Variants in ORC5 observed in about 807,000 individuals in gnomAD.
ORC5 encodes protein phosphatase 1, regulatory subunit 117.
ORC5 carries 39 observed loss-of-function variants against 58.8 expected under a neutral mutation model. The observed-to-expected ratio is 0.66, with a 90% CI of 0.51 to 0.87. The LOEUF is 0.87. Among genes scored for constraint, ORC5 ranks in the 40% least tolerant of loss-of-function variants. The probability of loss-of-function intolerance (pLI) is 0.00; values close to 1 mark genes in which losing one functional copy is unlikely to be tolerated. For missense variants in ORC5, 493 were observed against 506.3 expected (o/e 0.97, Z 0.25); for synonymous variants, 218 against 177.6 (o/e 1.23, Z -1.81).
At chr7:104,167,434 C>T (rs1799126260) in intron 9 of ORC5, among the ~76,000 whole-genome samples, 3 of 152,128 alleles carry the variant, frequency 2.0e-5, no homozygotes, top group Admixed American at 2.0e-4. Context: ...AATTTTGGAG[C>T]ATTTTCTATT....
chr7:104,130,683 A>G (rs910153488), intron 13 of ORC5, among the ~76,000 whole-genome samples: 2 of 152,170 alleles, frequency 1.3e-5, no homozygotes, highest in African/African-American at 2.4e-5. Flanking sequence ...TTCCACTCTC[A>G]TAATCACACT....
Position 104,149,729 on chromosome 7 carries a change from T to C in ORC5, c.1149+11343A>G, listed in dbSNP as rs768019053. ...GAGAATAGTACTTCCCTAGCTTTCATACATCAGCAGCATTCTGACACTGCT... is the reference window on the plus strand; with the variant it reads ...GAGAATAGTACTTCCCTAGCTTTCACACATCAGCAGCATTCTGACACTGCT... On this transcript the variant is annotated intron_variant, in intron 12 of 13. Coordinates refer to ENST00000297431, the MANE Select transcript of ORC5 (RefSeq NM_002553.4). Among the ~76,000 whole-genome samples the C allele has an allele frequency of 9.9e-5, 15 of 152,178 alleles. 1 individual carries two copies. The highest frequency in any genetic ancestry group is 4.1e-4 in the South Asian group (2 of 4,836).
chr7:104,136,684 A>AT lies in ORC5; in HGVS notation c.1262+96dup, dbSNP rs1160402295. ...TTCATTCTTGGCACTTAAATAGATG[A>AT]TTTTTTCATGTTTAAATGTCATGAC... On this transcript the variant is annotated intron_variant, in intron 13 of 13. Coordinates refer to ENST00000297431, the MANE Select transcript of ORC5 (RefSeq NM_002553.4). The surrounding 1 kb of genome is among the most constrained non-coding windows in gnomAD (Gnocchi z 4.2). 1.1e-5 allele frequency: 8 copies of AT among 753,138 alleles called. No homozygotes were observed. Among genetic ancestry groups the AT allele is most frequent in the South Asian group, 7.2e-5 (4 of 55,646 alleles). 46.7% of individuals were successfully genotyped at this position (753,138 alleles called of 1,614,324 possible). A position where few individuals can be genotyped will look rare whatever the true frequency, so the allele number is the denominator to read the frequency against.
At chr7:104,154,401 CTTAT>C (rs1008303576) in intron 12 of ORC5, among the ~76,000 whole-genome samples, 1 of 151,952 alleles carries the variant, frequency 6.6e-6, no homozygotes, top group Non-Finnish European at 1.5e-5. Flanking sequence ...GTAAAAAACT[CTTAT>C]TTATTCACTT....
intron 4 of ORC5, among the ~76,000 whole-genome samples, 194 bp from the exon 5 acceptor site, chr7:104,195,448 C>A (rs1433174882): frequency 1.3e-5 from 2 of 152,186 alleles, no homozygotes; most frequent in Non-Finnish European, 2.9e-5. Flanking sequence ...CACATCCAAG[C>A]TGGAGTGCAG....
chr7:104,127,939 A>T (rs1211320377), intron 13 of ORC5, among the ~76,000 whole-genome samples: 1 of 152,228 alleles, frequency 6.6e-6, no homozygotes, highest in Non-Finnish European at 1.5e-5. Context: ...AAGAATACTA[A>T]GCCTTTCCAA....
chr7:104,137,454 C>T (rs1191662577), intron 12 of ORC5, among the ~76,000 whole-genome samples: 1 of 151,916 alleles, frequency 6.6e-6, no homozygotes, highest in Non-Finnish European at 1.5e-5. Flanking sequence ...GTGCTCCACT[C>T]CAAGTCTGAG....
At chr7:104,155,264 A>C (rs182850490) in intron 12 of ORC5, among the ~76,000 whole-genome samples, 110 of 151,860 alleles carry the variant, frequency 7.2e-4, no homozygotes, top group African/African-American at 2.5e-3. Context: ...ATATTTGTAT[A>C]TTAAACTATG....
intron 13 of ORC5, among the ~76,000 whole-genome samples, chr7:104,132,026 C>G (rs1299034636): frequency 2.0e-5 from 3 of 152,098 alleles, no homozygotes; most frequent in Non-Finnish European, 4.4e-5. Flanking sequence ...TTATAATGGG[C>G]AACACAATAA....
intron 6 of ORC5, among the ~76,000 whole-genome samples, chr7:104,185,175 G>A (rs1799518006): frequency 6.6e-6 from 1 of 151,876 alleles, no homozygotes; most frequent in South Asian, 2.1e-4. Context: ...AAACCACCAT[G>A]GCACGCATTT....
In ORC5 at chr7:104,207,768, G is replaced by A. The variant is rs988602658; in HGVS notation, c.72+65C>T. On this transcript the variant is annotated intron_variant, in intron 1 of 13. Coordinates refer to ENST00000297431, the MANE Select transcript of ORC5 (RefSeq NM_002553.4). Reference sequence around the variant, plus strand: ...TCCAAACACGAAAAAACAAATATTGGAACAGGTCGCAAGACTACCGAAACG... The same window carrying A: ...TCCAAACACGAAAAAACAAATATTGAAACAGGTCGCAAGACTACCGAAACG... 3.4e-6 allele frequency: 5 copies of A among 1,480,424 alleles called. No homozygotes were observed. In the South Asian group the frequency reaches 4.6e-5, roughly 13 times the overall value. 91.7% of individuals were successfully genotyped at this position (1,480,424 alleles called of 1,614,324 possible).
chr7:104,141,988 T>C lies in ORC5; in HGVS notation c.1150-5095A>G, dbSNP rs188331476. On this transcript the variant is annotated intron_variant, in intron 12 of 13. Transcript: ENST00000297431. ...TATCACAATTCCTTATTTCAAAGTA[T>C]ATTATTAATACAAAACTACAGTAAT... 2.8e-3 allele frequency among the ~76,000 whole-genome samples: 429 copies of C among 152,200 alleles called. 2 individuals are homozygous for C. Among genetic ancestry groups the C allele is most frequent in the Non-Finnish European group, 4.0e-3 (273 of 67,964 alleles).
In ORC5 at chr7:104,204,184, A is replaced by G. The variant is rs866362624; in HGVS notation, c.123T>C (p.Ser41=). The G allele has an allele frequency of 1.2e-6, 2 of 1,601,992 alleles. No homozygotes were observed. The highest frequency in any genetic ancestry group is 1.7e-4 in the Middle Eastern group (1 of 5,880). The stretch of plus-strand genomic sequence containing the variant: ...ACGTTTGTGTTACATAGGTCTTTCC[A>G]CTAGCAGTATGTCCATAAATAAAAA... ...PSIFIYGHTA[S]GKTYVTQTLL... is the part of the protein sequence containing the mutation. Residue 41 remains serine (S), a synonymous_variant, in exon 2 of 14, where the codon AGT becomes AGC. Transcript: ENST00000297431.
At chr7:104,132,561 C>A (rs1475058690) in intron 13 of ORC5, among the ~76,000 whole-genome samples, 1 of 152,030 alleles carries the variant, frequency 6.6e-6, no homozygotes, top group Non-Finnish European at 1.5e-5. Flanking sequence ...CTTGCTGTCC[C>A]CAAAAACAAA....
intron 1 of ORC5, among the ~76,000 whole-genome samples, chr7:104,205,962 C>T (rs987239585): frequency 1.8e-4 from 28 of 152,314 alleles, no homozygotes; most frequent in Non-Finnish European, 2.6e-4. Flanking sequence ...GAGCCAAGAT[C>T]ATGCCACTGC....
intron 9 of ORC5, among the ~76,000 whole-genome samples, chr7:104,167,199 A>C: frequency 6.6e-6 from 1 of 152,232 alleles, no homozygotes; most frequent in East Asian, 1.9e-4. Flanking sequence ...AGAGAAACTT[A>C]TTTCTACTAT....
intron 5 of ORC5, among the ~76,000 whole-genome samples, chr7:104,193,496 C>T (rs754711398): frequency 6.6e-6 from 1 of 151,946 alleles, no homozygotes; most frequent in African/African-American, 2.4e-5. Context: ...GACCAGAAAA[C>T]GACTTCCAAA....
intron 2 of ORC5, among the ~76,000 whole-genome samples, chr7:104,202,136 T>A (rs1799960988): frequency 6.6e-6 from 1 of 152,006 alleles, no homozygotes; most frequent in East Asian, 1.9e-4. Context: ...TAAAAAACTA[T>A]CAAAATATCA....
chr7:104,156,950 C>A (rs6952639), intron 12 of ORC5, among the ~76,000 whole-genome samples: 87,317 of 151,586 alleles, frequency 0.58, 29,001 homozygotes, highest in Non-Finnish European at 0.76. Flanking sequence ...CATCTTAAAG[C>A]CAGAATGCAA....
Sources: allele counts gnomAD v4.1 joint callset (sites outside exome capture counted in the v4.1 genomes callset), GRCh38; gene constraint gnomAD v4.1.1; non-coding constraint Gnocchi (gnomAD v3.1); transcripts MANE v1.5; gene names NCBI Gene and HGNC (gene_info 2026-07-23, HGNC 2026-07-21).